Variants in FSTL4 observed in about 807,000 individuals in gnomAD.
FSTL4 encodes the protein follistatin-related protein 4.
In FSTL4, 28 loss-of-function variants were observed where a neutral mutation model predicts 78.2. That is an observed-to-expected ratio of 0.36 (90% confidence interval 0.27 to 0.49). FSTL4 has a LOEUF of 0.49. Ranked by LOEUF, FSTL4 falls within the 20% of genes least tolerant of loss-of-function variation. FSTL4 has a pLI of 0.98. For synonymous variants in FSTL4, 422 were observed against 440.5 expected, an observed-to-expected ratio of 0.96 and a Z score of 0.53; for missense variants, 922 against 1,084.9, an observed-to-expected ratio of 0.85 and a Z score of 2.11.
intron 3 of FSTL4, among the ~76,000 whole-genome samples, chr5:133,492,177 A>G (rs1455006065): frequency 6.6e-6 from 1 of 152,194 alleles, no homozygotes; most frequent in Non-Finnish European, 1.5e-5. Context: ...AAATAACACA[A>G]GAAGCATAAA....
chr5:133,715,615 C>T, the FSTL4 span, among the ~76,000 whole-genome samples: 2 of 152,282 alleles, frequency 1.3e-5, no homozygotes, highest in African/African-American at 2.4e-5. Context: ...AATGAAGGGA[C>T]CTGGGCCAGA....
At chr5:133,599,900 A>T (rs1028878576) in intron 2 of FSTL4, among the ~76,000 whole-genome samples, 1 of 152,230 alleles carries the variant, frequency 6.6e-6, no homozygotes, top group African/African-American at 2.4e-5. Flanking sequence ...GCTCCCACAA[A>T]TGCCTATTTC....
At chr5:133,349,927 G>A (rs568512758) in intron 4 of FSTL4, among the ~76,000 whole-genome samples, 35 of 147,196 alleles carry the variant, frequency 2.4e-4, no homozygotes, top group Admixed American at 2.2e-3. Flanking sequence ...ATGCTGCCAT[G>A]CGACTGTAAA....
At chr5:133,460,542 T>TA (rs1757571900) in intron 3 of FSTL4, among the ~76,000 whole-genome samples, 1 of 152,242 alleles carries the variant, frequency 6.6e-6, no homozygotes, top group African/African-American at 2.4e-5. Flanking sequence ...TAGAGAAGCC[T>TA]AATAGTCGCA....
chr5:133,497,455 T>TGAC, intron 3 of FSTL4, among the ~76,000 whole-genome samples: 6 of 152,198 alleles, frequency 3.9e-5, no homozygotes, highest in African/African-American at 1.4e-4. Flanking sequence ...TGAGAGTATT[T>TGAC]TTGCTGTTGT....
the FSTL4 span, among the ~76,000 whole-genome samples, chr5:133,707,611 C>A: frequency 6.6e-6 from 1 of 152,290 alleles, no homozygotes; most frequent in South Asian, 2.1e-4. Context: ...CCTGAGAAAG[C>A]CCTTTCCTTT....
chr5:133,276,547 C>T (rs1752889167), intron 6 of FSTL4, among the ~76,000 whole-genome samples: 1 of 152,180 alleles, frequency 6.6e-6, no homozygotes, highest in African/African-American at 2.4e-5. Flanking sequence ...ATAATAATGA[C>T]CCCTCAAGAC....
rs1757124452 is a variant in FSTL4, at chr5:133,440,225, G to A, written c.161-39239C>T. On this transcript the variant is annotated intron_variant, in intron 3 of 15. Transcript: ENST00000265342. This position sits in a 1 kb window ranked among gnomAD's most constrained non-coding sequence, Gnocchi z 4.1. Reference sequence around the variant, plus strand: ...GCTGTGGAGGGAGAGGGCCTCAGCGGGCAAGGTGGGCCGCTGACAAGGTGT... The same window carrying A: ...GCTGTGGAGGGAGAGGGCCTCAGCGAGCAAGGTGGGCCGCTGACAAGGTGT... Among the ~76,000 whole-genome samples, 1 of 152,162 alleles carries A rather than the reference G, an allele frequency of 6.6e-6. No individual in the cohort carries two copies. Among genetic ancestry groups the A allele is most frequent in the Non-Finnish European group, 1.5e-5 (1 of 68,010 alleles).
chr5:133,391,399 C>T (rs918655349), intron 4 of FSTL4, among the ~76,000 whole-genome samples: 3 of 152,162 alleles, frequency 2.0e-5, no homozygotes, highest in East Asian at 1.9e-4. Flanking sequence ...CCTGAGCCAC[C>T]GGCACCCCTC....
rs1458782120 is a variant in FSTL4, at chr5:133,338,468, G to C, written c.410-21816C>G. Reference sequence around the variant, plus strand: ...GCTTTTCTAGGTTCCCAGAAGCTGTGGTTCTTTGGGACGTGGAGTGGCATA... The same window carrying C: ...GCTTTTCTAGGTTCCCAGAAGCTGTCGTTCTTTGGGACGTGGAGTGGCATA... On this transcript the variant is annotated intron_variant, in intron 4 of 15. Transcript: ENST00000265342. This position sits in a 1 kb window ranked among gnomAD's most constrained non-coding sequence, Gnocchi z 4.0. Among the ~76,000 whole-genome samples the C allele has an allele frequency of 6.6e-6, 1 of 152,052 alleles. No homozygotes were observed. The highest frequency in any genetic ancestry group is 1.5e-5 in the Non-Finnish European group (1 of 68,010).
chr5:133,302,786 A>C (rs1006207046), intron 6 of FSTL4, among the ~76,000 whole-genome samples: 3 of 152,244 alleles, frequency 2.0e-5, no homozygotes, highest in Non-Finnish European at 4.4e-5. Flanking sequence ...TGATTCCACC[A>C]TCAAGGGGAA....
rs986773617 is a variant in FSTL4 at position 133,329,610 on chromosome 5, G to A, written c.410-12958C>T. 4.2e-4 allele frequency among the ~76,000 whole-genome samples: 24 copies of A among 56,938 alleles called. 1 individual carries two copies. The Admixed American group carries it at 4.4e-3, about 10-fold the overall frequency. The allele number at this position is 56,938 out of a possible 152,430, so 37.4% of individuals were successfully genotyped here. A position where few individuals can be genotyped will look rare whatever the true frequency, so the allele number is the denominator to read the frequency against. On this transcript the variant is annotated intron_variant, in intron 4 of 15. Transcript: ENST00000265342. The stretch of plus-strand genomic sequence containing the variant: ...AGATGTAGGCTGGGAGGCCAGGCCC[G>A]TCTCTCCTTTTCACATTTTCTGCCT...
At chr5:133,770,946 T>C in the FSTL4 span, among the ~76,000 whole-genome samples, 1 of 151,954 alleles carries the variant, frequency 6.6e-6, no homozygotes, top group Admixed American at 6.6e-5. Flanking sequence ...TGCATGACTA[T>C]CCAATTTTCA....
chr5:133,401,278 CA>C (rs1295248014), intron 3 of FSTL4, among the ~76,000 whole-genome samples: 6 of 152,218 alleles, frequency 3.9e-5, no homozygotes, highest in African/African-American at 1.4e-4. Flanking sequence ...GGCTTTTGAT[CA>C]ACTCTTGGTT....
At chr5:133,544,616 C>T (rs1759539086) in intron 3 of FSTL4, among the ~76,000 whole-genome samples, 1 of 152,120 alleles carries the variant, frequency 6.6e-6, no homozygotes, top group Admixed American at 6.5e-5. Context: ...CGGCCCAAAC[C>T]TTGTCACAGG....
At chr5:133,765,986 C>T in the FSTL4 span, among the ~76,000 whole-genome samples, 1 of 152,146 alleles carries the variant, frequency 6.6e-6, no homozygotes. Context: ...ATGGGCGCTC[C>T]CTTCAATCTC....
chr5:133,810,107 A>G, the FSTL4 span, among the ~76,000 whole-genome samples: 1 of 152,346 alleles, frequency 6.6e-6, no homozygotes, highest in South Asian at 2.1e-4. Context: ...CATTCTTGAC[A>G]GCAGGGAGAG....
chr5:133,351,673 T>G (rs963158132), intron 4 of FSTL4, among the ~76,000 whole-genome samples: 4 of 152,168 alleles, frequency 2.6e-5, no homozygotes, highest in Admixed American at 2.0e-4. Context: ...AGTGGCATAA[T>G]CTCAGCTCAC....
intron 4 of FSTL4, among the ~76,000 whole-genome samples, chr5:133,335,652 T>TCCCTGAAC (rs1254793768): frequency 2.7e-5 from 4 of 149,686 alleles, no homozygotes; most frequent in Admixed American, 6.6e-5. Flanking sequence ...TAGAAAGCCT[T>TCCCTGAAC]CCCTGAACAG....
Sources: allele counts gnomAD v4.1 joint callset (sites outside exome capture counted in the v4.1 genomes callset), GRCh38; gene constraint gnomAD v4.1.1; non-coding constraint Gnocchi (gnomAD v3.1); transcripts MANE v1.5; gene names NCBI Gene and HGNC (gene_info 2026-07-23, HGNC 2026-07-21).